The following LNX2 variants were observed in gnomAD, a reference collection of about 807,000 sequenced individuals.
The protein encoded by LNX2 is ligand of numb-protein X 2.
LNX2 carries 35 observed loss-of-function variants against 66.2 expected under a neutral mutation model. The ratio of observed to expected loss-of-function variants is 0.53; its 90% CI spans 0.40 to 0.70. The LOEUF (loss-of-function observed/expected upper bound fraction) is 0.70, where lower values mean the gene tolerates loss of function less well. Among genes scored for constraint, LNX2 ranks in the 30% least tolerant of loss-of-function variants. The pLI is 0.00. For missense variants in LNX2, 791 were observed against 850.8 expected (o/e 0.93, Z 0.87); for synonymous variants, 337 against 315.6 (o/e 1.07, Z -0.72).
chr13:27,594,474 A>C lies in LNX2; in HGVS notation c.-100-12671T>G, dbSNP rs148398589. ...CACTTTTCCCTTTGAGAGTTCTTCC[A>C]CCACTCTTATCTTCTTCTTCATAAT... On this transcript the variant is annotated intron_variant, in intron 1 of 9. Transcript: ENST00000316334. Among the ~76,000 whole-genome samples the C allele has an allele frequency of 3.8e-3, 583 of 152,258 alleles. 2 individuals carry two copies. Among genetic ancestry groups the C allele is most frequent in the Non-Finnish European group, 7.1e-3 (483 of 68,028 alleles).
At chr13:27,554,826 G>A (rs751616840) in intron 7 of LNX2, among the ~76,000 whole-genome samples, 1 of 152,212 alleles carries the variant, frequency 6.6e-6, no homozygotes, top group African/African-American at 2.4e-5. Context: ...AAAAACAGTT[G>A]TACCACTTTA....
intron 5 of LNX2, among the ~76,000 whole-genome samples, chr13:27,560,331 A>G (rs1264619766): frequency 6.6e-6 from 1 of 152,100 alleles, no homozygotes; most frequent in African/African-American, 2.4e-5. Flanking sequence ...TGGCCTTAAT[A>G]TTGCAAGACA....
intron 8 of LNX2, 60 bp downstream of exon 8, chr13:27,553,148 C>A: frequency 1.4e-6 from 2 of 1,391,984 alleles, no homozygotes; most frequent in South Asian, 1.2e-5. Context: ...ATGCTACACA[C>A]TGATAAGGGC....
At chr13:27,555,146 G>C (rs1955042370) in intron 7 of LNX2, among the ~76,000 whole-genome samples, 1 of 152,058 alleles carries the variant, frequency 6.6e-6, no homozygotes, top group Non-Finnish European at 1.5e-5. Context: ...ACAAGGTTGT[G>C]CCATATTGCC....
chr13:27,550,034 A>G (rs558814414), intron 9 of LNX2, among the ~76,000 whole-genome samples: 1 of 152,338 alleles, frequency 6.6e-6, no homozygotes, highest in African/African-American at 2.4e-5. Context: ...TATAAGTGAC[A>G]AGACAGTAAA....
chr13:27,579,080 A>T (rs1013957401), intron 2 of LNX2, among the ~76,000 whole-genome samples: 1 of 152,246 alleles, frequency 6.6e-6, no homozygotes, highest in African/African-American at 2.4e-5. Flanking sequence ...ACCCGGCATT[A>T]GATTCTAACT....
At chr13:27,549,693 C>G (rs1053967609) in intron 9 of LNX2, among the ~76,000 whole-genome samples, 5 of 152,146 alleles carry the variant, frequency 3.3e-5, no homozygotes, top group Non-Finnish European at 7.4e-5. Context: ...CACTTAGCAC[C>G]GCGCCAGGCA....
Position 27,567,812 on chromosome 13 carries a change from T to G in LNX2, c.683A>C (p.Glu228Ala), listed in dbSNP as rs774598639. Residue 228 changes from glutamate (E) to alanine (A), a missense_variant, in exon 4 of 10, where the codon GAA (glutamate) becomes GCA (alanine). Physicochemically the swap from Glu to Ala is moderately radical, Grantham distance 107. Transcript: ENST00000316334. ...AATTTCAATCGTGGTGATTTCTCCT[T>G]CTGGTAAACTAAGTGGCTGTTGTGT... ...DTTQQPLSLP[E>A]GEITTIEIHR... 1 of 1,614,062 alleles carries G rather than the reference T, an allele frequency of 6.2e-7. No homozygotes were observed. Among genetic ancestry groups the G allele is most frequent in the Admixed American group, 1.7e-5 (1 of 59,990 alleles).
intron 2 of LNX2, among the ~76,000 whole-genome samples, chr13:27,572,514 G>A (rs541128990): frequency 8.5e-5 from 13 of 152,290 alleles, no homozygotes; most frequent in Admixed American, 2.6e-4. Flanking sequence ...TGTACATGTA[G>A]GTGTGTTTTT....
chr13:27,549,235 T>G (rs1954978292), intron 9 of LNX2, among the ~76,000 whole-genome samples: 1 of 152,224 alleles, frequency 6.6e-6, no homozygotes, highest in Admixed American at 6.5e-5. Context: ...ATACATTATT[T>G]AGATGTCACT....
intron 1 of LNX2, among the ~76,000 whole-genome samples, chr13:27,613,246 C>T (rs1375553974): frequency 6.6e-6 from 1 of 152,032 alleles, no homozygotes; most frequent in South Asian, 2.1e-4. Context: ...TAGAGACGCT[C>T]TGCAAGGCCA....
chr13:27,593,960 C>T (rs1183146344), intron 1 of LNX2, among the ~76,000 whole-genome samples: 1 of 151,818 alleles, frequency 6.6e-6, no homozygotes, highest in African/African-American at 2.4e-5. Context: ...TAACAGCTGT[C>T]CAATTACTTC....
Position 27,548,482 on chromosome 13 carries a change from G to A in LNX2, c.1938-12C>T, listed in dbSNP as rs773159184. The A allele has an allele frequency of 3.7e-6, 6 of 1,606,750 alleles. 1 individual carries two copies. The South Asian group carries it at 6.7e-5, about 18-fold the overall frequency. ...TCATGTCACCACACCTGGACAAAGA[G>A]AGACAGATACAGAATGTTACTATTT... On this transcript the variant is annotated splice_polypyrimidine_tract_variant and intron_variant, in intron 9 of 9. Coordinates refer to ENST00000316334, the MANE Select transcript of LNX2 (RefSeq NM_153371.4).
At chr13:27,601,484 T>G (rs1955658043) in intron 1 of LNX2, among the ~76,000 whole-genome samples, 1 of 152,210 alleles carries the variant, frequency 6.6e-6, no homozygotes. Flanking sequence ...TAAACTAGAA[T>G]GATACTTCTC....
intron 2 of LNX2, among the ~76,000 whole-genome samples, chr13:27,574,948 ACT>A (rs1246869728): frequency 6.6e-6 from 1 of 152,104 alleles, no homozygotes; most frequent in African/African-American, 2.4e-5. Flanking sequence ...AGGGGAGAAA[ACT>A]CTCAACCAGG....
rs755896884 is a variant in LNX2, at chr13:27,581,468, T to C, written c.236A>G (p.Gln79Arg). Reference protein sequence around the residue: ...FCYKCLRNFLQEKDFCPLDRK... With the variant: ...FCYKCLRNFLREKDFCPLDRK... Reference sequence around the variant, plus strand: ...GTCCAACGGACAGAAATCTTTCTCTTGTAAAAAGTTTCTGAGGCACTTGTA... The same window carrying C: ...GTCCAACGGACAGAAATCTTTCTCTCGTAAAAAGTTTCTGAGGCACTTGTA... The change falls in exon 2 of 10, where the codon CAA becomes CGA. Residue 79 changes from glutamine to arginine, a missense_variant. Transcript: ENST00000316334. 6.2e-7 allele frequency: 1 copy of C among 1,611,190 alleles called. No individual in the cohort carries two copies. The highest frequency in any genetic ancestry group is 8.5e-7 in the Non-Finnish European group (1 of 1,177,902).
At chr13:27,614,447 CCCAA>C (rs986999993) in intron 1 of LNX2, among the ~76,000 whole-genome samples, 1 of 151,328 alleles carries the variant, frequency 6.6e-6, no homozygotes, top group Non-Finnish European at 1.5e-5. Flanking sequence ...TGATTGTGCC[CCCAA>C]CCAATCAGCA....
chr13:27,562,912 T>C, intron 4 of LNX2, 131 bp from the exon 5 acceptor site: 1 of 897,638 alleles, frequency 1.1e-6, no homozygotes. Flanking sequence ...TGCTATACAA[T>C]CATTATTTAC....
intron 1 of LNX2, among the ~76,000 whole-genome samples, chr13:27,586,462 T>C (rs1232260952): frequency 1.3e-5 from 2 of 152,220 alleles, no homozygotes; most frequent in Admixed American, 1.3e-4. Context: ...AAGCTGGCTG[T>C]ACTGCCTCAC....
Sources: allele counts gnomAD v4.1 joint callset (sites outside exome capture counted in the v4.1 genomes callset), GRCh38; gene constraint gnomAD v4.1.1; transcripts MANE v1.5; gene names NCBI Gene and HGNC (gene_info 2026-07-23, HGNC 2026-07-21).